The following SLC25A13 variants were observed in gnomAD, a reference collection of about 807,000 sequenced individuals.
SLC25A13 encodes the protein electrogenic aspartate/glutamate antiporter SLC25A13, mitochondrial.
In SLC25A13, 70 loss-of-function variants were observed where a neutral mutation model predicts 85.5. The ratio of observed to expected loss-of-function variants is 0.82; its 90% CI spans 0.68 to 1.00. The LOEUF (loss-of-function observed/expected upper bound fraction) is 1.00. Among genes scored for constraint, SLC25A13 ranks in the 50% least tolerant of loss-of-function variants. The pLI, the probability that SLC25A13 is intolerant of heterozygous loss-of-function variation, is 0.00. For synonymous variants in SLC25A13, 259 were observed against 288.7 expected, an observed-to-expected ratio of 0.90 and a Z score of 1.04; for missense variants, 765 against 819.8, an observed-to-expected ratio of 0.93 and a Z score of 0.82.
chr7:96,281,438 A>G (rs1798674943), intron 2 of SLC25A13, among the ~76,000 whole-genome samples: 1 of 152,124 alleles, frequency 6.6e-6, no homozygotes, highest in Non-Finnish European at 1.5e-5. Flanking sequence ...TACATATGAC[A>G]ACAGACGAAT....
At chr7:96,168,008 G>A (rs1478956398) in intron 13 of SLC25A13, among the ~76,000 whole-genome samples, 1 of 145,094 alleles carries the variant, frequency 6.9e-6, no homozygotes, top group East Asian at 2.1e-4. Context: ...GCTGAGGCAG[G>A]AGAATCGCTT....
At chr7:96,161,549 C>G (rs1157966126) in intron 13 of SLC25A13, among the ~76,000 whole-genome samples, 2 of 152,140 alleles carry the variant, frequency 1.3e-5, no homozygotes, top group African/African-American at 4.8e-5. Context: ...ACAGCTGTAA[C>G]AGTGCAACAC....
intron 14 of SLC25A13, among the ~76,000 whole-genome samples, chr7:96,138,573 A>T (rs1342866444): frequency 5.3e-5 from 8 of 151,736 alleles, no homozygotes; most frequent in Non-Finnish European, 1.2e-4. Context: ...TTAAAAAAAT[A>T]TTTTTGTGTA....
At chr7:96,210,316 C>T (rs7807280) in intron 4 of SLC25A13, among the ~76,000 whole-genome samples, 81,833 of 151,910 alleles carry the variant, frequency 0.54, 23,466 homozygotes, top group Non-Finnish European at 0.63. Flanking sequence ...GTCTTCTTTA[C>T]TTTTAGGGAA....
intron 4 of SLC25A13, among the ~76,000 whole-genome samples, chr7:96,232,663 A>G (rs1035482997): frequency 9.5e-5 from 13 of 136,422 alleles, no homozygotes; most frequent in Non-Finnish European, 1.3e-4. Context: ...AAAAAAAAAA[A>G]AACAGAAAAT....
At chr7:96,128,312 G>A (rs944083359) in intron 15 of SLC25A13, among the ~76,000 whole-genome samples, 4 of 151,908 alleles carry the variant, frequency 2.6e-5, no homozygotes, top group African/African-American at 9.7e-5. Context: ...CATGCTGACT[G>A]GAACCTCCAA....
At chr7:96,163,565 A>G (rs1200288690) in intron 13 of SLC25A13, among the ~76,000 whole-genome samples, 1 of 152,260 alleles carries the variant, frequency 6.6e-6, no homozygotes, top group Non-Finnish European at 1.5e-5. Context: ...ATGCAGCAAT[A>G]GATAATCAGA....
intron 2 of SLC25A13, among the ~76,000 whole-genome samples, chr7:96,286,830 T>C (rs1388868784): frequency 6.6e-6 from 1 of 152,240 alleles, no homozygotes; most frequent in Non-Finnish European, 1.5e-5. Context: ...AGGAGCCCTC[T>C]TTCCTTATCT....
At chr7:96,227,968 G>GC in intron 4 of SLC25A13, among the ~76,000 whole-genome samples, 1 of 152,154 alleles carries the variant, frequency 6.6e-6, no homozygotes, top group Middle Eastern at 3.4e-3. Flanking sequence ...GGGTTCAAGC[G>GC]ATTCTCCTGC....
At chr7:96,302,879 AG>A (rs1456537943) in intron 1 of SLC25A13, among the ~76,000 whole-genome samples, 1 of 152,234 alleles carries the variant, frequency 6.6e-6, no homozygotes, top group African/African-American at 2.4e-5. Flanking sequence ...TGATTTAACA[AG>A]CCCTCCAGGT....
At chr7:96,185,511 A>T (rs112398906) in intron 9 of SLC25A13, among the ~76,000 whole-genome samples, 21 of 152,262 alleles carry the variant, frequency 1.4e-4, no homozygotes, top group African/African-American at 5.1e-4. Flanking sequence ...AGGGAGAATC[A>T]CTTGAGCCCA....
rs1357628696 is a variant in SLC25A13 at position 96,277,813 on chromosome 7, AG to A, written c.70-476del. Among the ~76,000 whole-genome samples the A allele has an allele frequency of 5.3e-4, 78 of 146,224 alleles. No individual in the cohort carries two copies. The Middle Eastern group carries it at 0.011, about 21-fold the overall frequency. ...CATAGCTTTTTAAAAAAAAAAAAAA[AG>A]TGGAATTACGAAGTCATGGAGGCAA... On this transcript the variant is annotated intron_variant, in intron 2 of 17. Coordinates refer to ENST00000265631, the MANE Select transcript of SLC25A13 (RefSeq NM_014251.3).
intron 13 of SLC25A13, among the ~76,000 whole-genome samples, chr7:96,152,621 G>T (rs971863068): frequency 1.3e-5 from 2 of 152,178 alleles, no homozygotes; most frequent in African/African-American, 4.8e-5. Context: ...GTGGAAGGGT[G>T]AGTTAAGAGG....
chr7:96,266,574 A>G (rs1041465191), intron 3 of SLC25A13, among the ~76,000 whole-genome samples: 7 of 152,298 alleles, frequency 4.6e-5, no homozygotes, highest in Admixed American at 4.6e-4. Flanking sequence ...CAAAATCAGC[A>G]CCCAATCAGC....
Position 96,121,656 on chromosome 7 carries a change from C to A in SLC25A13, c.1840G>T (p.Val614Leu). ...QRWFYIDFGG[V>L]KPMGSEPVPK... ...CAGCAGATTTAGCATGATACTTACA[C>A]TCCTCCAAAATCAATGTAGAACCAT... The change falls in exon 17 of 18, where the codon GTA (valine) becomes TTA (leucine). Residue 614 changes from valine (V) to leucine (L), a missense_variant and splice_region_variant. Val to Leu is a conservative substitution (Grantham distance 32). Coordinates refer to ENST00000265631, the MANE Select transcript of SLC25A13 (RefSeq NM_014251.3). The A allele has an allele frequency of 6.2e-7, 1 of 1,614,094 alleles. No individual in the cohort carries two copies. The highest frequency in any genetic ancestry group is 8.5e-7 in the Non-Finnish European group (1 of 1,179,988).
intron 1 of SLC25A13, among the ~76,000 whole-genome samples, chr7:96,305,616 T>C (rs531667027): frequency 6.6e-6 from 1 of 152,364 alleles, no homozygotes; most frequent in South Asian, 2.1e-4. Context: ...ACTGGGGCTA[T>C]GTTCCTGATG....
chr7:96,306,246 G>A (rs1326954343), intron 1 of SLC25A13, among the ~76,000 whole-genome samples: 1 of 152,218 alleles, frequency 6.6e-6, no homozygotes, highest in Non-Finnish European at 1.5e-5. Flanking sequence ...GAGCAGGCAA[G>A]AGAATCCAGA....
At chr7:96,143,234 C>T (rs1188837879) in intron 14 of SLC25A13, among the ~76,000 whole-genome samples, 1 of 152,148 alleles carries the variant, frequency 6.6e-6, no homozygotes, top group East Asian at 1.9e-4. Context: ...AGTTTCATTC[C>T]ATTCCTAAAG....
At chr7:96,288,983 G>A (rs1419371490) in intron 2 of SLC25A13, among the ~76,000 whole-genome samples, 1 of 152,194 alleles carries the variant, frequency 6.6e-6, no homozygotes, top group African/African-American at 2.4e-5. Flanking sequence ...TGAGCCCCAA[G>A]TAGCCTAACT....
Sources: gnomAD v4.1 joint callset for allele counts (sites outside exome capture counted in the v4.1 genomes callset) on GRCh38, gnomAD v4.1.1 for gene constraint, MANE v1.5 for transcripts, NCBI Gene and HGNC (gene_info 2026-07-23, HGNC 2026-07-21) for gene names.